The following DBX2 variants were observed in gnomAD, a reference collection of about 807,000 sequenced individuals.
The protein encoded by DBX2 is developing brain homeobox 2.
A neutral mutation model predicts 17.7 loss-of-function variants in DBX2; 16 were observed. That is an observed-to-expected ratio of 0.90 (90% CI 0.61 to 1.37). The LOEUF (loss-of-function observed/expected upper bound fraction) is 1.37. DBX2 is among the 40% of genes most tolerant of loss of function. DBX2 has a pLI of 0.00. For missense variants in DBX2, 538 were observed against 433.8 expected (o/e 1.24, Z -2.13); for synonymous variants, 255 against 183.8 (o/e 1.39, Z -3.13).
intron 3 of DBX2, among the ~76,000 whole-genome samples, chr12:45,022,140 CATT>C (rs780644489): frequency 8.5e-5 from 13 of 152,150 alleles, no homozygotes; most frequent in South Asian, 6.2e-4. Context: ...GTTATGGACT[CATT>C]AGTACCACAC....
In DBX2 at chr12:45,015,286, C is replaced by T. The variant is rs938660023; in HGVS notation, c.*1000G>A. 3 of 152,128 alleles carry T rather than the reference C, an allele frequency of 2.0e-5. No homozygotes were observed. The highest frequency in any genetic ancestry group is 4.8e-5 in the African/African-American group (2 of 41,436). The allele number at this position is 152,128 out of a possible 1,614,324, so 9.4% of individuals were successfully genotyped here. A position where few individuals can be genotyped will look rare whatever the true frequency, so the allele number is the denominator to read the frequency against. On this transcript the variant is annotated 3_prime_UTR_variant, in exon 4 of 4. Transcript: ENST00000332700. ...GGAAAATTGAGTCCCTAACTAGAAG[C>T]GCAAACAGAAATCATCATTGATTCT... is the stretch of plus-strand genomic sequence containing the variant.
intron 1 of DBX2, among the ~76,000 whole-genome samples, chr12:45,046,737 C>A (rs1039989354): frequency 1.3e-5 from 2 of 152,034 alleles, no homozygotes; most frequent in African/African-American, 4.8e-5. Context: ...AATGGGTAAA[C>A]AGTACTTGGG....
chr12:45,034,239 A>T (rs1946423866), intron 2 of DBX2, among the ~76,000 whole-genome samples: 1 of 152,126 alleles, frequency 6.6e-6, no homozygotes, highest in Non-Finnish European at 1.5e-5. Context: ...ACCCAGTATC[A>T]TATCATGATG....
intron 1 of DBX2, among the ~76,000 whole-genome samples, chr12:45,042,853 A>G (rs1355837501): frequency 6.6e-6 from 1 of 152,182 alleles, no homozygotes; most frequent in East Asian, 1.9e-4. Context: ...AAGTTGACAG[A>G]GTCTGGCTTC....
chr12:45,044,871 C>G (rs117886633), intron 1 of DBX2, among the ~76,000 whole-genome samples: 3,411 of 152,082 alleles, frequency 0.022, 86 homozygotes, highest in Admixed American at 0.072. Flanking sequence ...AGTGATGGAT[C>G]ACTCAGCATT....
Position 45,050,919 on chromosome 12 carries a change from G to A in DBX2, c.9C>T (p.Pro3=). 1 of 1,492,270 alleles carries A rather than the reference G, an allele frequency of 6.7e-7. No homozygotes were observed. The highest frequency in any genetic ancestry group is 1.4e-5 in the African/African-American group (1 of 69,358). 92.4% of individuals were successfully genotyped at this position (1,492,270 alleles called of 1,614,324 possible). The part of the protein sequence containing the change: ML[P]SAVAAHAGAY... ...CACCGGCGTGGGCTGCGACCGCGCT[G>A]GGGAGCATAGTGCGGCGCCAACCGG... The change falls in exon 1 of 4, where the codon CCC becomes CCT. Residue 3 remains proline (P), a synonymous_variant. Transcript: ENST00000332700.
At chr12:45,023,971 T>C in intron 2 of DBX2, 77 bp from the exon 3 acceptor site, 1 of 1,384,378 alleles carries the variant, frequency 7.2e-7, no homozygotes, top group Non-Finnish European at 9.6e-7. Flanking sequence ...CAATATGGTA[T>C]CCTCCTACTT....
At position 45,036,026 on chromosome 12, in the gene DBX2, A is replaced by G; in HGVS notation, c.492T>C (p.Ala164=). 1 of 1,612,756 alleles carries G rather than the reference A, an allele frequency of 6.2e-7. No individual in the cohort carries two copies. The highest frequency in any genetic ancestry group is 8.5e-7 in the Non-Finnish European group (1 of 1,179,580). The change falls in exon 2 of 4, where the codon GCT becomes GCC. Residue 164 remains alanine, a synonymous_variant. Coordinates refer to ENST00000332700, the MANE Select transcript of DBX2 (RefSeq NM_001004329.3). ...TGAAGGATAAAAACTTACTTGGAAA[A>G]GCAGTGGAGGATGCAGGGCGCCGAC... ...GSCRRPASST[A]FPREESMLPL...
intron 1 of DBX2, among the ~76,000 whole-genome samples, chr12:45,044,074 C>G (rs137863387): frequency 6.6e-6 from 1 of 151,264 alleles, no homozygotes; most frequent in East Asian, 1.9e-4. Flanking sequence ...TTGGAGCAAG[C>G]GCTGGCATAC....
In DBX2 at chr12:45,050,672, A is replaced by C. The variant is rs1473320182; in HGVS notation, c.256T>G (p.Cys86Gly). The C allele has an allele frequency of 1.3e-6, 2 of 1,548,316 alleles. No individual in the cohort carries two copies. The highest frequency in any genetic ancestry group is 8.7e-7 in the Non-Finnish European group (1 of 1,146,398). ...LPASPVPLKL[C>G]PAAEQVSPAG... ...GGGCTAACTTGTTCGGCTGCGGGGC[A>C]CAGCTTTAGGGGAACTGGGCTAGCA... Residue 86 changes from cysteine (C) to glycine (G), a missense_variant, in exon 1 of 4, where the codon TGC becomes GGC. Cys to Gly is a radical substitution (Grantham distance 159, BLOSUM62 -3). Coordinates refer to ENST00000332700, the MANE Select transcript of DBX2 (RefSeq NM_001004329.3).
chr12:45,035,636 A>C (rs1946435887), intron 2 of DBX2, among the ~76,000 whole-genome samples: 1 of 152,154 alleles, frequency 6.6e-6, no homozygotes, highest in South Asian at 2.1e-4. Context: ...TCTGTGTTAC[A>C]TTTTAAGTGG....
chr12:45,030,412 C>G (rs1231290903), intron 2 of DBX2, among the ~76,000 whole-genome samples: 1 of 152,226 alleles, frequency 6.6e-6, no homozygotes, highest in Non-Finnish European at 1.5e-5. Context: ...TCATGTTAAT[C>G]TCTGGATCAT....
intron 3 of DBX2, among the ~76,000 whole-genome samples, chr12:45,020,455 A>G (rs1946345759): frequency 6.6e-6 from 1 of 152,084 alleles, no homozygotes; most frequent in African/African-American, 2.4e-5. Flanking sequence ...CTACTTATAT[A>G]AAAGTACAAA....
intron 1 of DBX2, among the ~76,000 whole-genome samples, chr12:45,044,050 T>C (rs1946485934): frequency 6.6e-6 from 1 of 152,182 alleles, no homozygotes; most frequent in African/African-American, 2.4e-5. Context: ...TTTAACCAAT[T>C]TGCCATTTAC....
intron 1 of DBX2, among the ~76,000 whole-genome samples, chr12:45,044,761 C>G (rs934152936): frequency 1.3e-5 from 2 of 152,068 alleles, no homozygotes; most frequent in African/African-American, 2.4e-5. Context: ...TGTTCACATA[C>G]CTCACAAAAG....
intron 2 of DBX2, among the ~76,000 whole-genome samples, chr12:45,026,754 C>G (rs1946383516): frequency 6.6e-6 from 1 of 152,158 alleles, no homozygotes; most frequent in Non-Finnish European, 1.5e-5. Flanking sequence ...ATAACTTCTC[C>G]CTCTTTCCTT....
At chr12:45,030,709 A>C (rs954448438) in intron 2 of DBX2, among the ~76,000 whole-genome samples, 2 of 152,314 alleles carry the variant, frequency 1.3e-5, no homozygotes, top group Admixed American at 6.5e-5. Context: ...TTCCATATTA[A>C]AAACTAATTC....
At chr12:45,040,651 C>T (rs1405430289) in intron 1 of DBX2, among the ~76,000 whole-genome samples, 1 of 152,116 alleles carries the variant, frequency 6.6e-6, no homozygotes, top group Non-Finnish European at 1.5e-5. Context: ...AACTTATAGC[C>T]AACCTAATGG....
At chr12:45,018,990 G>C (rs1946337467) in intron 3 of DBX2, among the ~76,000 whole-genome samples, 1 of 151,896 alleles carries the variant, frequency 6.6e-6, no homozygotes, top group African/African-American at 2.4e-5. Flanking sequence ...GGTGGGGGAG[G>C]GGGAAATGGT....
Sources: gnomAD v4.1 joint callset for allele counts (sites outside exome capture counted in the v4.1 genomes callset) on GRCh38, gnomAD v4.1.1 for gene constraint, MANE v1.5 for transcripts, NCBI Gene and HGNC (gene_info 2026-07-23, HGNC 2026-07-21) for gene names.